SLC6A3: variants seen among roughly 807,000 people sequenced by gnomAD.
SLC6A3 encodes the protein solute carrier family 6 member 3.
SLC6A3 carries 19 observed loss-of-function variants against 70.4 expected under a neutral mutation model. The observed-to-expected ratio is 0.27, with a 90% CI of 0.19 to 0.40. The LOEUF is 0.40. Among genes scored for constraint, SLC6A3 ranks in the 10% least tolerant of loss-of-function variants. SLC6A3 has a pLI of 1.00. For synonymous variants in SLC6A3, 368 were observed against 356.6 expected (o/e 1.03, Z -0.36); for missense variants, 613 against 838.5 (o/e 0.73, Z 3.32).
intron 6 of SLC6A3, among the ~76,000 whole-genome samples, chr5:1,419,945 G>A (rs533152634): frequency 3.3e-5 from 5 of 152,186 alleles, no homozygotes; most frequent in Admixed American, 6.5e-5. Context: ...CTTCTGCCTT[G>A]GGTTTACACT....
rs2937647 is a variant in SLC6A3, at chr5:1,406,454, G to T, written c.1499-166C>A. Among the ~76,000 whole-genome samples the T allele has an allele frequency of 6.6e-6, 1 of 152,102 alleles. No homozygotes were observed. Among genetic ancestry groups the T allele is most frequent in the Admixed American group, 6.5e-5 (1 of 15,278 alleles). On this transcript the variant is annotated intron_variant, in intron 11 of 14. Coordinates refer to ENST00000270349, the MANE Select transcript of SLC6A3 (RefSeq NM_001044.5). This position sits in a 1 kb window ranked among gnomAD's most constrained non-coding sequence, Gnocchi z 8.8. ...AGGCCAGGCCACACCCCAGCCCACTGGGTGCCTCGCTGACGGGTGGGAGCC... is the reference window on the plus strand; with the variant it reads ...AGGCCAGGCCACACCCCAGCCCACTTGGTGCCTCGCTGACGGGTGGGAGCC...
chr5:1,415,070 G>C (rs1472242852), intron 7 of SLC6A3, among the ~76,000 whole-genome samples: 2 of 152,128 alleles, frequency 1.3e-5, no homozygotes, highest in African/African-American at 4.8e-5. Flanking sequence ...CCACCCCTGT[G>C]CCCCGCGAGT....
chr5:1,415,020 A>G lies in SLC6A3; in HGVS notation c.1032-205T>C, dbSNP rs986998036. 1.1e-4 allele frequency among the ~76,000 whole-genome samples: 17 copies of G among 152,232 alleles called. 1 individual carries two copies. The highest frequency in any genetic ancestry group is 3.4e-3 in the Middle Eastern group (1 of 294). Reference sequence around the variant, plus strand: ...CTTGGTCCCCTAGCTGAGCTGCTCAAGGCTCAGCCATCAAGGCTCAGGGTG... The same window carrying G: ...CTTGGTCCCCTAGCTGAGCTGCTCAGGGCTCAGCCATCAAGGCTCAGGGTG... On this transcript the variant is annotated intron_variant, in intron 7 of 14. Coordinates refer to ENST00000270349, the MANE Select transcript of SLC6A3 (RefSeq NM_001044.5).
chr5:1,396,868 T>G lies in SLC6A3; in HGVS notation c.1840-2110A>C, dbSNP rs1459954129. Among the ~76,000 whole-genome samples, 1 of 152,100 alleles carries G rather than the reference T, an allele frequency of 6.6e-6. No homozygotes were observed. The highest frequency in any genetic ancestry group is 2.1e-4 in the South Asian group (1 of 4,820). ...CACTTTTTAGGAAGCTAGAAATATC[T>G]AGAGATGCAACAAATGAAATTGTAA... On this transcript the variant is annotated intron_variant, in intron 14 of 14. Coordinates refer to ENST00000270349, the MANE Select transcript of SLC6A3 (RefSeq NM_001044.5). The surrounding 1 kb of genome is among the most constrained non-coding windows in gnomAD (Gnocchi z 7.0).
At chr5:1,418,047 G>A (rs1220202927) in intron 6 of SLC6A3, among the ~76,000 whole-genome samples, 1 of 152,240 alleles carries the variant, frequency 6.6e-6, no homozygotes, top group Non-Finnish European at 1.5e-5. Context: ...CTCTGCAGGT[G>A]GCCAGTGTTT....
chr5:1,413,641 A>G lies in SLC6A3; in HGVS notation c.1156+1050T>C, dbSNP rs28363083. Among the ~76,000 whole-genome samples, 295 of 152,144 alleles carry G rather than the reference A, an allele frequency of 1.9e-3. No individual in the cohort carries two copies. The highest frequency in any genetic ancestry group is 0.01 in the East Asian group (54 of 5,172). ...CAGTCCAGAGGAAGCAAGGATGGGG[A>G]CGCAGCATGGGAGCCCACCCAACCC... On this transcript the variant is annotated intron_variant, in intron 8 of 14. Transcript: ENST00000270349. This position sits in a 1 kb window ranked among gnomAD's most constrained non-coding sequence, Gnocchi z 7.1.
At chr5:1,429,219 G>A (rs1365517901) in intron 4 of SLC6A3, among the ~76,000 whole-genome samples, 1 of 152,064 alleles carries the variant, frequency 6.6e-6, no homozygotes, top group Non-Finnish European at 1.5e-5. Flanking sequence ...AGAGTCACTG[G>A]GGCCTGTTTC....
intron 9 of SLC6A3, 39 bp from the exon 10 acceptor site, chr5:1,409,888 C>T (rs367892097): frequency 6.0e-5 from 97 of 1,610,904 alleles, no homozygotes; most frequent in Middle Eastern, 3.4e-4. Context: ...AGGCTGGCGG[C>T]GCTCCTGACC....
chr5:1,434,195 C>G (rs1368962296), intron 3 of SLC6A3, among the ~76,000 whole-genome samples: 1 of 152,214 alleles, frequency 6.6e-6, no homozygotes, highest in Non-Finnish European at 1.5e-5. Context: ...TAGAATCACC[C>G]AGGGCCACGT....
chr5:1,427,159 G>A (rs1756590566), intron 4 of SLC6A3, among the ~76,000 whole-genome samples: 1 of 152,208 alleles, frequency 6.6e-6, no homozygotes. Flanking sequence ...ACATTTCTTT[G>A]TTAGATTTAT....
Position 1,406,329 on chromosome 5 carries a change from G to T in SLC6A3, c.1499-41C>A. 1 of 1,517,576 alleles carries T rather than the reference G, an allele frequency of 6.6e-7. No individual in the cohort carries two copies. Among genetic ancestry groups the T allele is most frequent in the Non-Finnish European group, 9.1e-7 (1 of 1,092,980 alleles). The allele number at this position is 1,517,576 out of a possible 1,614,324, so 94.0% of individuals were successfully genotyped here. On this transcript the variant is annotated intron_variant, in intron 11 of 14. Coordinates refer to ENST00000270349, the MANE Select transcript of SLC6A3 (RefSeq NM_001044.5). This position sits in a 1 kb window ranked among gnomAD's most constrained non-coding sequence, Gnocchi z 8.8. Reference sequence around the variant, plus strand: ...TGGCATCAGTGTCCATCAGGGCAGCGCATTCCCCCGATGCTGGACACGTGT... The same window carrying T: ...TGGCATCAGTGTCCATCAGGGCAGCTCATTCCCCCGATGCTGGACACGTGT...
At chr5:1,443,674 C>CT (rs113657129) in intron 1 of SLC6A3, among the ~76,000 whole-genome samples, 9,497 of 149,972 alleles carry the variant, frequency 0.063, 308 homozygotes, top group Middle Eastern at 0.11. Context: ...ATTCTTTTTT[C>CT]TTTTTTTTTT....
rs1295707215 is a variant in SLC6A3 at position 1,405,677 on chromosome 5, G to A, written c.1599+511C>T. On this transcript the variant is annotated intron_variant, in intron 12 of 14. Transcript: ENST00000270349. This position sits in a 1 kb window ranked among gnomAD's most constrained non-coding sequence, Gnocchi z 5.3. Reference sequence around the variant, plus strand: ...ACACCAGCGTCCGACGGCCTTGCCCGGTGGGCCCTGACTCGGTGGCGGATG... The same window carrying A: ...ACACCAGCGTCCGACGGCCTTGCCCAGTGGGCCCTGACTCGGTGGCGGATG... 2.6e-5 allele frequency among the ~76,000 whole-genome samples: 4 copies of A among 152,232 alleles called. No individual in the cohort carries two copies. Among genetic ancestry groups the A allele is most frequent in the African/African-American group, 4.8e-5 (2 of 41,464 alleles).
At chr5:1,445,321 C>T (rs1308072435) in intron 1 of SLC6A3, 27 bp downstream of exon 1, 2 of 153,356 alleles carry the variant, frequency 1.3e-5, no homozygotes, top group Non-Finnish European at 2.9e-5. Flanking sequence ...CGGGGCGCCC[C>T]GATGCCGCGA....
chr5:1,401,834 C>T lies in SLC6A3; in HGVS notation c.1768-848G>A, dbSNP rs776181592. Among the ~76,000 whole-genome samples the T allele has an allele frequency of 2.4e-4, 37 of 152,388 alleles. No homozygotes were observed. The highest frequency in any genetic ancestry group is 3.7e-4 in the Non-Finnish European group (25 of 68,034). ...CCTGCAGAGACTGCCCGGCTGCCTG[C>T]TCTTCCCCTGTGCTGGGTCCTGGCA... On this transcript the variant is annotated intron_variant, in intron 13 of 14. Transcript: ENST00000270349. The surrounding 1 kb of genome is among the most constrained non-coding windows in gnomAD (Gnocchi z 6.1).
intron 10 of SLC6A3, among the ~76,000 whole-genome samples, chr5:1,409,366 G>A (rs1756059789): frequency 6.6e-6 from 1 of 152,182 alleles, no homozygotes; most frequent in African/African-American, 2.4e-5. Flanking sequence ...GCAACCGAAT[G>A]CGGAACTTGG....
At position 1,441,166 on chromosome 5, in the gene SLC6A3, A is replaced by G. The variant is rs28382229; in HGVS notation, c.418+193T>C. The stretch of plus-strand genomic sequence containing the variant: ...AATTGCAGGACCCTCACCTAGAGCA[A>G]GGGAATGAACTATCCAGTCCTTGTC... On this transcript the variant is annotated intron_variant, in intron 3 of 14. Coordinates refer to ENST00000270349, the MANE Select transcript of SLC6A3 (RefSeq NM_001044.5). Among the ~76,000 whole-genome samples, 149 of 152,364 alleles carry G rather than the reference A, an allele frequency of 9.8e-4. 3 individuals carry two copies. In the East Asian group the frequency reaches 0.025, roughly 26 times the overall value.
Position 1,405,452 on chromosome 5 carries a change from G to C in SLC6A3, c.1599+736C>G, listed in dbSNP as rs1235718168. 6.6e-6 allele frequency among the ~76,000 whole-genome samples: 1 copy of C among 152,204 alleles called. No homozygotes were observed. Among genetic ancestry groups the C allele is most frequent in the Non-Finnish European group, 1.5e-5 (1 of 68,016 alleles). The stretch of plus-strand genomic sequence containing the variant: ...TCCAGTCCCCACCTCGTGCCTGCTG[G>C]ACTCGGGAGGTGCTTCTCTACGTGA... On this transcript the variant is annotated intron_variant, in intron 12 of 14. Transcript: ENST00000270349. This position sits in a 1 kb window ranked among gnomAD's most constrained non-coding sequence, Gnocchi z 5.3.
rs537906026 is a variant in SLC6A3 at position 1,414,097 on chromosome 5, C to T, written c.1156+594G>A. On this transcript the variant is annotated intron_variant, in intron 8 of 14. Transcript: ENST00000270349. Reference sequence around the variant, plus strand: ...TGTGCTGGAGGCCCCAGGGATCTCCCGGCTGCTCTGTGGCCAAGCTGATGT... The same window carrying T: ...TGTGCTGGAGGCCCCAGGGATCTCCTGGCTGCTCTGTGGCCAAGCTGATGT... Among the ~76,000 whole-genome samples, 250 of 152,256 alleles carry T rather than the reference C, an allele frequency of 1.6e-3. 1 individual carries two copies. Among genetic ancestry groups the T allele is most frequent in the Middle Eastern group, 6.8e-3 (2 of 294 alleles).
Sources: allele counts gnomAD v4.1 joint callset (sites outside exome capture counted in the v4.1 genomes callset), GRCh38; gene constraint gnomAD v4.1.1; non-coding constraint Gnocchi (gnomAD v3.1); transcripts MANE v1.5; gene names NCBI Gene and HGNC (gene_info 2026-07-23, HGNC 2026-07-21).